The following ARB2A variants were observed in gnomAD, a reference collection of about 807,000 sequenced individuals.
ARB2A encodes cotranscriptional regulator ARB2A.
At chr5:93,704,630 C>T in the ARB2A span, among the ~76,000 whole-genome samples, 3 of 152,174 alleles carry the variant, frequency 2.0e-5, no homozygotes, top group Non-Finnish European at 4.4e-5. Context: ...CCTGGCATCA[C>T]TGATTCTCTG....
At chr5:93,893,213 C>CTGCACA in the ARB2A span, among the ~76,000 whole-genome samples, 2 of 152,176 alleles carry the variant, frequency 1.3e-5, no homozygotes, top group African/African-American at 4.8e-5. Context: ...GATCAAAACA[C>CTGCACA]TGCACAGCAC....
chr5:93,787,240 A>G, the ARB2A span, among the ~76,000 whole-genome samples: 1 of 152,172 alleles, frequency 6.6e-6, no homozygotes, highest in African/African-American at 2.4e-5. Flanking sequence ...CCAGTAAGAG[A>G]TCCCTTTGAA....
At chr5:93,933,161 G>A in the ARB2A span, among the ~76,000 whole-genome samples, 1 of 152,184 alleles carries the variant, frequency 6.6e-6, no homozygotes, top group African/African-American at 2.4e-5. Context: ...AACAGATACT[G>A]GAGAGGATGT....
At chr5:94,106,870 GAAA>G in the ARB2A span, among the ~76,000 whole-genome samples, 15 of 57,402 alleles carry the variant, frequency 2.6e-4, no homozygotes, top group Admixed American at 1.0e-3. Flanking sequence ...AATCAATGCA[GAAA>G]AAAAAAAAAA....
At chr5:93,629,399 GA>G in the ARB2A span, among the ~76,000 whole-genome samples, 1 of 152,100 alleles carries the variant, frequency 6.6e-6, no homozygotes, top group Non-Finnish European at 1.5e-5. Flanking sequence ...AGCACATGCT[GA>G]TTTTTTTTTT....
the ARB2A span, among the ~76,000 whole-genome samples, chr5:93,809,764 G>A: frequency 7.0e-4 from 107 of 151,988 alleles, no homozygotes; most frequent in Non-Finnish European, 1.4e-3. Flanking sequence ...TCAAATATAG[G>A]AATTTTGAGT....
chr5:93,910,278 A>G, the ARB2A span, among the ~76,000 whole-genome samples: 1 of 151,096 alleles, frequency 6.6e-6, no homozygotes. Flanking sequence ...GGGCAATTAT[A>G]TAACTATATG....
At chr5:94,081,861 T>C in the ARB2A span, among the ~76,000 whole-genome samples, 2 of 151,044 alleles carry the variant, frequency 1.3e-5, no homozygotes, top group East Asian at 3.9e-4. Flanking sequence ...CAAGGCAGTC[T>C]CAAAAAAAAA....
chr5:93,816,430 T>C, the ARB2A span, among the ~76,000 whole-genome samples: 2 of 152,230 alleles, frequency 1.3e-5, no homozygotes, highest in Non-Finnish European at 2.9e-5. Flanking sequence ...ATGATTTATA[T>C]TTAACAAATT....
At chr5:93,932,111 ATAGT>A in the ARB2A span, among the ~76,000 whole-genome samples, 1 of 152,176 alleles carries the variant, frequency 6.6e-6, no homozygotes, top group African/African-American at 2.4e-5. Context: ...TGGAATTGAG[ATAGT>A]TGGAGTTTTT....
the ARB2A span, among the ~76,000 whole-genome samples, chr5:93,695,894 A>G: frequency 6.6e-6 from 1 of 152,292 alleles, no homozygotes; most frequent in Middle Eastern, 3.4e-3. Flanking sequence ...AGGGACATGG[A>G]TGATGCTGAA....
the ARB2A span, among the ~76,000 whole-genome samples, chr5:94,087,124 G>A: frequency 6.6e-6 from 1 of 151,864 alleles, no homozygotes; most frequent in Non-Finnish European, 1.5e-5. Flanking sequence ...CTTCATTTTT[G>A]GCAAAAATGT....
At chr5:93,839,856 G>T in the ARB2A span, among the ~76,000 whole-genome samples, 3 of 152,054 alleles carry the variant, frequency 2.0e-5, no homozygotes, top group African/African-American at 7.2e-5. Context: ...GTATTTTTGT[G>T]GGGTTGGGGG....
At chr5:93,852,171 C>T in the ARB2A span, among the ~76,000 whole-genome samples, 260 of 151,680 alleles carry the variant, frequency 1.7e-3, no homozygotes, top group Non-Finnish European at 2.9e-3. Context: ...TGGTATCTCA[C>T]TGTGGTTTTG....
At chr5:93,939,429 G>A in the ARB2A span, among the ~76,000 whole-genome samples, 1 of 151,940 alleles carries the variant, frequency 6.6e-6, no homozygotes, top group Non-Finnish European at 1.5e-5. Context: ...TCTAAACTAA[G>A]TTTTCAATCT....
At chr5:93,717,033 A>G in the ARB2A span, among the ~76,000 whole-genome samples, 1 of 152,178 alleles carries the variant, frequency 6.6e-6, no homozygotes, top group Non-Finnish European at 1.5e-5. Context: ...AGATCAAAGA[A>G]TGTATACTAT....
At chr5:93,796,984 C>T in the ARB2A span, among the ~76,000 whole-genome samples, 1 of 152,130 alleles carries the variant, frequency 6.6e-6, no homozygotes, top group Non-Finnish European at 1.5e-5. Flanking sequence ...CTTCCTTTCA[C>T]AGATAGAGAA....
the ARB2A span, among the ~76,000 whole-genome samples, chr5:94,020,243 G>T: frequency 1.4e-5 from 2 of 145,390 alleles, no homozygotes; most frequent in African/African-American, 2.8e-5. Flanking sequence ...GACACGGGGC[G>T]GGGGGGGTAA....
At chr5:93,851,931 T>C in the ARB2A span, among the ~76,000 whole-genome samples, 1 of 152,228 alleles carries the variant, frequency 6.6e-6, no homozygotes. Context: ...CATGTGTCTT[T>C]ATAGCAGCAT....
Sources: gnomAD v4.1 joint callset for allele counts (sites outside exome capture counted in the v4.1 genomes callset) on GRCh38, gnomAD v4.1.1 for gene constraint, MANE v1.5 for transcripts, NCBI Gene and HGNC (gene_info 2026-07-23, HGNC 2026-07-21) for gene names.